The following TSHB variants were observed in gnomAD, a reference collection of about 807,000 sequenced individuals.
TSHB encodes thyroid stimulating hormone subunit beta, also known as thyrotropin subunit beta.
TSHB carries 9 observed loss-of-function variants against 9.3 expected under a neutral mutation model. That is an observed-to-expected ratio of 0.97 (90% CI 0.58 to 1.69). The LOEUF is 1.69. Ranked by LOEUF, TSHB falls within the 40% of genes most tolerant of loss-of-function variation. The probability of loss-of-function intolerance (pLI) is 0.00; values close to 1 mark genes in which losing one functional copy is unlikely to be tolerated. For missense variants in TSHB, 182 were observed against 168.5 expected, an observed-to-expected ratio of 1.08 and a Z score of -0.44; for synonymous variants, 57 against 57.2, an observed-to-expected ratio of 1.00 and a Z score of 0.01.
intron 1 of TSHB, among the ~76,000 whole-genome samples, chr1:115,031,879 T>A (rs1674901160): frequency 6.6e-6 from 1 of 152,004 alleles, no homozygotes; most frequent in Non-Finnish European, 1.5e-5. Flanking sequence ...TTAAAAGAAT[T>A]TGTGAGAAAA....
At chr1:115,032,530 T>G (rs1439289806) in intron 1 of TSHB, among the ~76,000 whole-genome samples, 2 of 152,002 alleles carry the variant, frequency 1.3e-5, no homozygotes, top group Non-Finnish European at 2.9e-5. Flanking sequence ...TATATTTTCT[T>G]TACTGACAAT....
chr1:115,033,282 AG>A, intron 1 of TSHB, 79 bp from the exon 2 acceptor site: 1 of 1,327,826 alleles, frequency 7.5e-7, no homozygotes, highest in Non-Finnish European at 1.1e-6. Context: ...ATGGTACTGA[AG>A]TTTGGTTATA....
intron 1 of TSHB, among the ~76,000 whole-genome samples, chr1:115,032,936 T>A (rs1674924915): frequency 6.6e-6 from 1 of 152,128 alleles, no homozygotes; most frequent in Non-Finnish European, 1.5e-5. Context: ...ATCCAAAAAT[T>A]ATTTAATATT....
intron 2 of TSHB, 111 bp from the exon 3 acceptor site, chr1:115,033,862 C>T (rs1417922133): frequency 6.8e-7 from 1 of 1,464,786 alleles, no homozygotes; most frequent in Non-Finnish European, 9.4e-7. Flanking sequence ...AATTCTTTCC[C>T]AGTTGTATTT....
At chr1:115,032,364 T>C (rs1009573699) in intron 1 of TSHB, among the ~76,000 whole-genome samples, 1 of 152,062 alleles carries the variant, frequency 6.6e-6, no homozygotes, top group African/African-American at 2.4e-5. Flanking sequence ...TTTTAGTGTA[T>C]ATAGCTTAAA....
chr1:115,032,407 G>A (rs1230067256), intron 1 of TSHB, among the ~76,000 whole-genome samples: 1 of 151,896 alleles, frequency 6.6e-6, no homozygotes, highest in East Asian at 1.9e-4. Context: ...CAGATTTGGG[G>A]AAATCTTGGT....
rs2101009448 is a variant in TSHB, at chr1:115,034,298, C to T, written c.*71C>T. On this transcript the variant is annotated 3_prime_UTR_variant, in exon 3 of 3. Transcript: ENST00000256592. Reference sequence around the variant, plus strand: ...AAGCTAATAAAAATATTATGTTTCACATTATCTTCTGTTCATTTTGAGTAC... The same window carrying T: ...AAGCTAATAAAAATATTATGTTTCATATTATCTTCTGTTCATTTTGAGTAC... The T allele has an allele frequency of 1.3e-6, 2 of 1,519,490 alleles. No individual in the cohort carries two copies. The highest frequency in any genetic ancestry group is 1.8e-6 in the Non-Finnish European group (2 of 1,096,940). 94.1% of individuals were successfully genotyped at this position (1,519,490 alleles called of 1,614,324 possible).
rs1403519968 is a variant in TSHB at position 115,033,414 on chromosome 1, G to A, written c.52G>A (p.Ala18Thr). 6.2e-7 allele frequency: 1 copy of A among 1,613,388 alleles called. No homozygotes were observed. The highest frequency in any genetic ancestry group is 8.5e-7 in the Non-Finnish European group (1 of 1,179,526). ...GCTTTTTGGCCTTACATGTGGGCAA[G>A]CGATGTCTTTTTGTATTCCAACTGA... ...SMLFGLTCGQ[A>T]MSFCIPTEYT... Residue 18 changes from alanine (A) to threonine (T), a missense_variant, in exon 2 of 3, where the codon GCG (alanine) becomes ACG (threonine). Ala to Thr is a moderately conservative substitution (Grantham distance 58). Transcript: ENST00000256592.
intron 1 of TSHB, among the ~76,000 whole-genome samples, chr1:115,031,004 TAATC>T (rs148889961): frequency 0.013 from 2,032 of 151,356 alleles, 42 homozygotes; most frequent in African/African-American, 0.047. Context: ...CACTAACTCT[TAATC>T]AATCAATCAG....
intron 2 of TSHB, 21 bp downstream of exon 2, chr1:115,033,545 C>A: frequency 6.2e-7 from 1 of 1,605,280 alleles, no homozygotes; most frequent in Non-Finnish European, 8.5e-7. Context: ...CATGTCACTT[C>A]TTTTGGCTGT....
chr1:115,033,898 A>G, intron 2 of TSHB, 75 bp from the exon 3 acceptor site: 1 of 1,570,268 alleles, frequency 6.4e-7, no homozygotes, highest in Non-Finnish European at 8.7e-7. Flanking sequence ...AAGTGAATTT[A>G]TTTTTATGTT....
intron 1 of TSHB, among the ~76,000 whole-genome samples, chr1:115,030,188 A>G (rs1234183019): frequency 6.6e-6 from 1 of 152,050 alleles, no homozygotes; most frequent in African/African-American, 2.4e-5. Context: ...TGATGTGTGT[A>G]TTAAATCCTC....
At chr1:115,031,981 T>G (rs1674902628) in intron 1 of TSHB, among the ~76,000 whole-genome samples, 1 of 152,062 alleles carries the variant, frequency 6.6e-6, no homozygotes, top group African/African-American at 2.4e-5. Context: ...AACATAAATC[T>G]TTGATAATTG....
intron 2 of TSHB, 113 bp downstream of exon 2, chr1:115,033,637 G>A: frequency 2.9e-6 from 3 of 1,037,884 alleles, no homozygotes; most frequent in South Asian, 1.3e-5. Context: ...CAAATCTAAT[G>A]GTTATTGGCT....
intron 1 of TSHB, 106 bp downstream of exon 1, chr1:115,029,966 A>G (rs1674859001): frequency 6.6e-6 from 1 of 152,522 alleles, no homozygotes; most frequent in Non-Finnish European, 1.5e-5. Flanking sequence ...ATGCTGAAAG[A>G]TAATTTGCTT....
At chr1:115,031,920 G>T (rs887904967) in intron 1 of TSHB, among the ~76,000 whole-genome samples, 6 of 151,990 alleles carry the variant, frequency 3.9e-5, no homozygotes, top group African/African-American at 1.4e-4. Flanking sequence ...TAAAAGTTAA[G>T]TCTTCCTAAA....
At chr1:115,030,947 G>T (rs2101007063) in intron 1 of TSHB, among the ~76,000 whole-genome samples, 1 of 152,050 alleles carries the variant, frequency 6.6e-6, no homozygotes, top group Non-Finnish European at 1.5e-5. Flanking sequence ...ATATTAAATT[G>T]CTCAGTTGCA....
chr1:115,033,972 G>A lies in TSHB; in HGVS notation c.163-1G>A. On this transcript the variant is annotated splice_acceptor_variant, in intron 2 of 2. Coordinates refer to ENST00000256592, the MANE Select transcript of TSHB (RefSeq NM_000549.5). LOFTEE classifies it high-confidence loss of function. The stretch of plus-strand genomic sequence containing the variant: ...TGCTCTCTTTTCTGTTCTTTCCCCA[G>A]GATATCAATGGCAAACTGTTTCTTC... 6.2e-7 allele frequency: 1 copy of A among 1,613,162 alleles called. No individual in the cohort carries two copies. Among genetic ancestry groups the A allele is most frequent in the Non-Finnish European group, 8.5e-7 (1 of 1,179,638 alleles).
chr1:115,033,267 T>G (rs982462172), intron 1 of TSHB, 95 bp from the exon 2 acceptor site: 1 of 1,123,606 alleles, frequency 8.9e-7, no homozygotes, highest in African/African-American at 1.5e-5. Context: ...ATCATATGCA[T>G]TGGGATGGTA....
Sources: allele counts gnomAD v4.1 joint callset (sites outside exome capture counted in the v4.1 genomes callset), GRCh38; gene constraint gnomAD v4.1.1; transcripts MANE v1.5; gene names NCBI Gene and HGNC (gene_info 2026-07-23, HGNC 2026-07-21).